SEL1L3: variants seen among roughly 807,000 people sequenced by gnomAD.
SEL1L3 encodes the protein SEL1L family member 3.
In SEL1L3, 76 loss-of-function variants were observed where a neutral mutation model predicts 142.8. The ratio of observed to expected loss-of-function variants is 0.53; its 90% CI spans 0.44 to 0.64. SEL1L3 has a LOEUF of 0.64. Among genes scored for constraint, SEL1L3 ranks in the 30% least tolerant of loss-of-function variants. The pLI is 0.00. For synonymous variants in SEL1L3, 504 were observed against 519.6 expected (o/e 0.97, Z 0.41); for missense variants, 1,262 against 1,381.7 (o/e 0.91, Z 1.37).
At chr4:25,832,113 T>C (rs971456451) in intron 5 of SEL1L3, among the ~76,000 whole-genome samples, 3 of 152,316 alleles carry the variant, frequency 2.0e-5, no homozygotes, top group South Asian at 4.1e-4. Flanking sequence ...CAAACACACA[T>C]ACTAAGAATC....
At position 25,748,401 on chromosome 4, in the gene SEL1L3, C is replaced by T. The variant is rs1184594047; in HGVS notation, c.*24G>A. On this transcript the variant is annotated 3_prime_UTR_variant, in exon 24 of 24. Transcript: ENST00000399878. The stretch of plus-strand genomic sequence containing the variant: ...AGCTGTTGAAAAGATTCTCTCTCAT[C>T]TGGAGAGAACTGGAGTGCACAGTTC... 2 of 1,593,350 alleles carry T rather than the reference C, an allele frequency of 1.3e-6. No homozygotes were observed. Among genetic ancestry groups the T allele is most frequent in the Admixed American group, 1.8e-5 (1 of 56,552 alleles).
chr4:25,722,559 G>C, the SEL1L3 span, among the ~76,000 whole-genome samples: 1 of 151,180 alleles, frequency 6.6e-6, no homozygotes, highest in Non-Finnish European at 1.5e-5. Context: ...TTTCCATAAG[G>C]TAAGACTTTT....
At chr4:25,748,885 G>A (rs1466448320) in intron 23 of SEL1L3, among the ~76,000 whole-genome samples, 3 of 152,166 alleles carry the variant, frequency 2.0e-5, no homozygotes, top group African/African-American at 7.2e-5. Flanking sequence ...AATTCTTCGG[G>A]CCCCTTCCAG....
chr4:25,856,151 A>G (rs1717239104), intron 1 of SEL1L3, among the ~76,000 whole-genome samples: 1 of 152,314 alleles, frequency 6.6e-6, no homozygotes, highest in Admixed American at 6.5e-5. Context: ...CACCAAAAAT[A>G]CAAATTAAAT....
At chr4:25,861,499 G>A (rs1238453143) in intron 1 of SEL1L3, among the ~76,000 whole-genome samples, 2 of 152,142 alleles carry the variant, frequency 1.3e-5, no homozygotes, top group Non-Finnish European at 2.9e-5. Flanking sequence ...CGGGCTGAGT[G>A]GCAAATTTCT....
chr4:25,769,524 T>C (rs768338266), intron 17 of SEL1L3, among the ~76,000 whole-genome samples: 7 of 152,192 alleles, frequency 4.6e-5, no homozygotes, highest in African/African-American at 1.4e-4. Flanking sequence ...TTAGCTAACA[T>C]AGCCTGCAAA....
chr4:25,848,394 T>C (rs539589240), intron 1 of SEL1L3, among the ~76,000 whole-genome samples: 2 of 152,310 alleles, frequency 1.3e-5, no homozygotes, highest in South Asian at 2.1e-4. Context: ...CAAGCCTGCA[T>C]GATATATGGA....
At chr4:25,839,715 G>A (rs1252965944) in intron 2 of SEL1L3, among the ~76,000 whole-genome samples, 2 of 152,214 alleles carry the variant, frequency 1.3e-5, no homozygotes, top group African/African-American at 4.8e-5. Context: ...ATTCGAGGGG[G>A]AGGGGTGTGG....
At chr4:25,847,091 T>G (rs1425173832) in intron 2 of SEL1L3, among the ~76,000 whole-genome samples, 1 of 152,144 alleles carries the variant, frequency 6.6e-6, no homozygotes. Context: ...TCTTTGGTCC[T>G]GCTCTCTCCT....
intron 2 of SEL1L3, among the ~76,000 whole-genome samples, chr4:25,842,893 T>C (rs888238002): frequency 6.6e-6 from 1 of 151,928 alleles, no homozygotes; most frequent in African/African-American, 2.4e-5. Flanking sequence ...GGAAGGAAAA[T>C]GAAGGTGGAC....
chr4:25,827,007 T>C (rs148926253), intron 6 of SEL1L3, among the ~76,000 whole-genome samples: 2 of 152,328 alleles, frequency 1.3e-5, no homozygotes, highest in African/African-American at 4.8e-5. Context: ...AATGCTTCAA[T>C]TGGGATGTAG....
intron 1 of SEL1L3, among the ~76,000 whole-genome samples, chr4:25,858,573 T>G (rs1717430112): frequency 6.7e-6 from 1 of 148,298 alleles, no homozygotes; most frequent in Non-Finnish European, 1.5e-5. Context: ...TTTTTTTTGA[T>G]TTTTTTGTTT....
At chr4:25,763,557 G>A (rs1718521597) in intron 20 of SEL1L3, among the ~76,000 whole-genome samples, 1 of 151,978 alleles carries the variant, frequency 6.6e-6, no homozygotes, top group South Asian at 2.1e-4. Context: ...AATAAAAATA[G>A]AAAAGATTGG....
At chr4:25,714,367 T>C in the SEL1L3 span, among the ~76,000 whole-genome samples, 119 of 151,830 alleles carry the variant, frequency 7.8e-4, 1 homozygote, top group African/African-American at 2.7e-3. Flanking sequence ...CTCATATACA[T>C]TGCAAATTTC....
chr4:25,722,855 T>C, the SEL1L3 span, among the ~76,000 whole-genome samples: 1 of 152,024 alleles, frequency 6.6e-6, no homozygotes, highest in Admixed American at 6.6e-5. Context: ...AAACCATAAA[T>C]AATAATAGTA....
rs957451830 is a variant in SEL1L3, at chr4:25,782,142, T to TGGTGCACACA, written c.2457+99_2457+100insTGTGTGCACC. ...CTCTGAGCTCCTCGAGGACAGGGACTGTGTCTGGGGTTGGGTCTGGTGCAC... is the reference window on the plus strand; with the variant it reads ...CTCTGAGCTCCTCGAGGACAGGGACTGGTGCACACAGTGTCTGGGGTTGGGTCTGGTGCAC... On this transcript the variant is annotated intron_variant, in intron 15 of 23. Coordinates refer to ENST00000399878, the MANE Select transcript of SEL1L3 (RefSeq NM_015187.5). 4.4e-5 allele frequency: 45 copies of TGGTGCACACA among 1,022,846 alleles called. 1 individual carries two copies. The highest frequency in any genetic ancestry group is 2.8e-4 in the Admixed American group (13 of 46,568). 63.4% of individuals were successfully genotyped at this position (1,022,846 alleles called of 1,614,324 possible). A position where few individuals can be genotyped will look rare whatever the true frequency, so the allele number is the denominator to read the frequency against.
downstream of SEL1L3, among the ~76,000 whole-genome samples, chr4:25,743,817 T>A (rs375111084): frequency 2.6e-5 from 4 of 152,308 alleles, no homozygotes; most frequent in East Asian, 5.8e-4. Flanking sequence ...TCCCAATATT[T>A]ATTTTCCTTT....
chr4:25,765,292 C>T, intron 20 of SEL1L3, 34 bp downstream of exon 20: 1 of 1,451,480 alleles, frequency 6.9e-7, no homozygotes. Context: ...CCGTGCCCGG[C>T]CAAGAGCTGG....
At chr4:25,746,497 A>G (rs1717263979), downstream of SEL1L3, among the ~76,000 whole-genome samples, 1 of 115,284 alleles carries the variant, frequency 8.7e-6, no homozygotes, top group Non-Finnish European at 1.7e-5. Flanking sequence ...CGACAGAGCA[A>G]TATTATCTAA....
Sources: allele counts gnomAD v4.1 joint callset (sites outside exome capture counted in the v4.1 genomes callset), GRCh38; gene constraint gnomAD v4.1.1; transcripts MANE v1.5; gene names NCBI Gene and HGNC (gene_info 2026-07-23, HGNC 2026-07-21).